TEAD1: variants seen among roughly 807,000 people sequenced by gnomAD.
TEAD1 encodes TEA domain transcription factor 1.
In TEAD1, 9 loss-of-function variants were observed where a neutral mutation model predicts 54.9. The ratio of observed to expected loss-of-function variants is 0.16; its 90% CI spans 0.10 to 0.29. The LOEUF is 0.29. TEAD1 is among the 10% of genes least tolerant of loss of function. The pLI, the probability that TEAD1 is intolerant of heterozygous loss-of-function variation, is 1.00. For missense variants in TEAD1, 387 were observed against 535.9 expected, an observed-to-expected ratio of 0.72 and a Z score of 2.74; for synonymous variants, 200 against 187.8, an observed-to-expected ratio of 1.07 and a Z score of -0.53.
chr11:12,879,953 G>A, intron 6 of TEAD1, 111 bp downstream of exon 6: 2 of 1,508,294 alleles, frequency 1.3e-6, no homozygotes, highest in Non-Finnish European at 1.8e-6. Context: ...GTATGTGAGA[G>A]GGCAAAGGCT....
chr11:12,729,717 A>G (rs999322585), intron 2 of TEAD1, among the ~76,000 whole-genome samples: 2 of 152,210 alleles, frequency 1.3e-5, no homozygotes, highest in African/African-American at 4.8e-5. Flanking sequence ...AGATGCTAGC[A>G]TTAAAGTTGT....
intron 3 of TEAD1, among the ~76,000 whole-genome samples, chr11:12,831,663 C>G (rs761422421): frequency 6.6e-6 from 1 of 151,606 alleles, no homozygotes; most frequent in Non-Finnish European, 1.5e-5. Flanking sequence ...CCTGTAGTCC[C>G]AGCTACTCAG....
chr11:12,745,837 C>T (rs563985088), intron 2 of TEAD1, among the ~76,000 whole-genome samples: 3 of 152,200 alleles, frequency 2.0e-5, no homozygotes, highest in African/African-American at 7.2e-5. Context: ...CTAAATGTGC[C>T]TGTTAGAGTT....
chr11:12,734,026 C>T (rs1430292321), intron 2 of TEAD1, among the ~76,000 whole-genome samples: 1 of 152,166 alleles, frequency 6.6e-6, no homozygotes, highest in East Asian at 1.9e-4. Context: ...CTCAAGTGAC[C>T]CTCCTGCTTC....
chr11:12,852,506 G>A (rs7940191), intron 3 of TEAD1, among the ~76,000 whole-genome samples: 91,425 of 149,804 alleles, frequency 0.61, 29,496 homozygotes, highest in East Asian at 0.77. Context: ...GGAGTGCAGC[G>A]GCGCGATCTT....
chr11:12,763,632 A>G (rs1945145698), intron 2 of TEAD1, among the ~76,000 whole-genome samples: 1 of 152,248 alleles, frequency 6.6e-6, no homozygotes, highest in African/African-American at 2.4e-5. Context: ...ATATTGGGAT[A>G]GTGACACTAA....
intron 3 of TEAD1, among the ~76,000 whole-genome samples, chr11:12,802,499 G>A (rs1467438012): frequency 1.3e-5 from 2 of 152,114 alleles, no homozygotes; most frequent in South Asian, 2.1e-4. Context: ...CCATCTCACC[G>A]CCGCCCGACC....
chr11:12,694,762 T>C (rs1251841409), intron 2 of TEAD1, among the ~76,000 whole-genome samples: 1 of 152,230 alleles, frequency 6.6e-6, no homozygotes, highest in African/African-American at 2.4e-5. Flanking sequence ...TAATTGGTGT[T>C]AGCTAGCGTG....
chr11:12,706,035 T>C (rs767041853), intron 2 of TEAD1, among the ~76,000 whole-genome samples: 12 of 152,208 alleles, frequency 7.9e-5, no homozygotes, highest in Admixed American at 2.6e-4. Flanking sequence ...TTACCATGCT[T>C]ACAAGGGCTG....
intron 5 of TEAD1, chr11:12,878,801 A>ATATATATATGTG: frequency 2.3e-6 from 1 of 439,320 alleles, no homozygotes; most frequent in Non-Finnish European, 3.4e-6. Context: ...ATATATACAC[A>ATATATATATGTG]TATATATATG....
chr11:12,752,563 G>T (rs1034415184), intron 2 of TEAD1, among the ~76,000 whole-genome samples: 1 of 151,928 alleles, frequency 6.6e-6, no homozygotes, highest in East Asian at 1.9e-4. Flanking sequence ...CCTCAATATT[G>T]CGTTGGTACA....
chr11:12,720,715 C>T (rs1944177383), intron 2 of TEAD1, among the ~76,000 whole-genome samples: 1 of 152,172 alleles, frequency 6.6e-6, no homozygotes, highest in Admixed American at 6.5e-5. Context: ...TGTAAGTGGT[C>T]TGAGTTTAAA....
At chr11:12,681,226 A>G (rs542579393) in intron 2 of TEAD1, among the ~76,000 whole-genome samples, 5 of 152,304 alleles carry the variant, frequency 3.3e-5, no homozygotes, top group South Asian at 2.1e-4. Flanking sequence ...AGCATTTCAT[A>G]TTGTCTGAGC....
At position 12,901,806 on chromosome 11, in the gene TEAD1, A is replaced by G. The variant is rs548346952; in HGVS notation, c.700-134A>G. 177 of 1,002,060 alleles carry G rather than the reference A, an allele frequency of 1.8e-4. 3 individuals are homozygous for G. The South Asian group carries it at 2.3e-3, about 13-fold the overall frequency. 62.1% of individuals were successfully genotyped at this position (1,002,060 alleles called of 1,614,324 possible). On this transcript the variant is annotated intron_variant, in intron 9 of 12. Transcript: ENST00000527636. ...CTTTTCTAAACATACTCATCATTTC[A>G]AAAGCATTGATCCTGGACTGGAAGG...
At chr11:12,737,888 G>T (rs1944569300) in intron 2 of TEAD1, among the ~76,000 whole-genome samples, 1 of 152,164 alleles carries the variant, frequency 6.6e-6, no homozygotes. Context: ...AGAAAAAGAG[G>T]TTTAATGGAC....
Position 12,808,403 on chromosome 11 carries a change from T to C in TEAD1, c.202+43969T>C, listed in dbSNP as rs80098047. 4.8e-3 allele frequency among the ~76,000 whole-genome samples: 732 copies of C among 152,322 alleles called. 9 individuals are homozygous for C. Among genetic ancestry groups the C allele is most frequent in the African/African-American group, 0.017 (688 of 41,570 alleles). On this transcript the variant is annotated intron_variant, in intron 3 of 12. Coordinates refer to ENST00000527636, the MANE Select transcript of TEAD1 (RefSeq NM_021961.6). The stretch of plus-strand genomic sequence containing the variant: ...AATGCACCACCATGATGTAAGGGTC[T>C]GACCAACTACTTAGTTTCTAGCAGC...
At chr11:12,874,696 T>A (rs1165553105) in intron 5 of TEAD1, among the ~76,000 whole-genome samples, 1 of 152,078 alleles carries the variant, frequency 6.6e-6, no homozygotes, top group African/African-American at 2.4e-5. Context: ...GCATCCCGAG[T>A]CTCAGGTCAG....
At chr11:12,879,645 T>A (rs1473278030) in intron 5 of TEAD1, 63 bp from the exon 6 acceptor site, 2 of 1,610,080 alleles carry the variant, frequency 1.2e-6, no homozygotes, top group South Asian at 1.1e-5. Context: ...TGGCTGTGCC[T>A]GTGTAACCTG....
chr11:12,918,988 T>G (rs1589989175), intron 10 of TEAD1, among the ~76,000 whole-genome samples: 2 of 152,220 alleles, frequency 1.3e-5, no homozygotes, highest in African/African-American at 4.8e-5. Context: ...TGATTGTGCC[T>G]GGAAGGAAGG....
Sources: gnomAD v4.1 joint callset for allele counts (sites outside exome capture counted in the v4.1 genomes callset) on GRCh38, gnomAD v4.1.1 for gene constraint, MANE v1.5 for transcripts, NCBI Gene and HGNC (gene_info 2026-07-23, HGNC 2026-07-21) for gene names.